Variants in FSTL5 observed in about 807,000 individuals in gnomAD.
FSTL5 encodes follistatin-related protein 5.
FSTL5 carries 62 observed loss-of-function variants against 89.1 expected under a neutral mutation model. The ratio of observed to expected loss-of-function variants is 0.70; its 90% CI spans 0.57 to 0.86. FSTL5 has a LOEUF of 0.86. Ranked by LOEUF, FSTL5 falls within the 40% of genes least tolerant of loss-of-function variation. The pLI is 0.00. For missense variants in FSTL5, 1,057 were observed against 1,001.6 expected (o/e 1.06, Z -0.75); for synonymous variants, 383 against 346.2 (o/e 1.11, Z -1.18).
At chr4:161,741,987 T>C (rs983520103) in intron 6 of FSTL5, among the ~76,000 whole-genome samples, 1 of 152,090 alleles carries the variant, frequency 6.6e-6, no homozygotes, top group African/African-American at 2.4e-5. Context: ...ATGTGTCTTA[T>C]GGTAAGTGTG....
At chr4:161,713,393 T>C (rs13121026) in intron 6 of FSTL5, among the ~76,000 whole-genome samples, 47,828 of 152,024 alleles carry the variant, frequency 0.31, 7,738 homozygotes, top group Middle Eastern at 0.38. Flanking sequence ...CCTGGTTAAG[T>C]AGTGTAGGAA....
intron 2 of FSTL5, among the ~76,000 whole-genome samples, chr4:162,089,634 AAAAAAAAAAAAAAAAAG>A (rs1730460622): frequency 4.8e-5 from 3 of 62,122 alleles, no homozygotes; most frequent in Admixed American, 4.4e-4. Flanking sequence ...ATCTGTCTCA[AAAAAAAAAAAAAAAAAG>A]AAAAAAAAGA....
chr4:161,778,412 C>T (rs1389202460), intron 4 of FSTL5, among the ~76,000 whole-genome samples: 1 of 152,030 alleles, frequency 6.6e-6, no homozygotes, highest in Non-Finnish European at 1.5e-5. Flanking sequence ...GGCTTAAGAG[C>T]ATGTACAATT....
At chr4:161,902,088 TC>T (rs1733383729) in intron 4 of FSTL5, among the ~76,000 whole-genome samples, 1 of 152,214 alleles carries the variant, frequency 6.6e-6, no homozygotes, top group Non-Finnish European at 1.5e-5. Context: ...ATTTCATTGT[TC>T]CTGGTTCCTT....
intron 6 of FSTL5, among the ~76,000 whole-genome samples, chr4:161,736,419 C>T (rs1184371228): frequency 6.6e-6 from 1 of 151,976 alleles, no homozygotes; most frequent in Non-Finnish European, 1.5e-5. Flanking sequence ...AGTGAATCTA[C>T]CACTTAAGAA....
chr4:161,972,514 T>C (rs1017069132), intron 3 of FSTL5, among the ~76,000 whole-genome samples: 1 of 152,148 alleles, frequency 6.6e-6, no homozygotes, highest in African/African-American at 2.4e-5. Flanking sequence ...GAGTGACCCA[T>C]GTGGTAAGGA....
intron 4 of FSTL5, among the ~76,000 whole-genome samples, chr4:161,779,441 C>T (rs904890309): frequency 6.6e-6 from 1 of 151,580 alleles, no homozygotes; most frequent in Admixed American, 6.6e-5. Context: ...AGAAGGCTTC[C>T]CATGTGTCAG....
intron 4 of FSTL5, among the ~76,000 whole-genome samples, chr4:161,842,142 A>G (rs138179561): frequency 2.6e-5 from 4 of 152,328 alleles, no homozygotes; most frequent in East Asian, 1.9e-4. Context: ...TTGAAGGTAC[A>G]GTCTGTGAAC....
At chr4:161,827,607 T>G (rs571781662) in intron 4 of FSTL5, among the ~76,000 whole-genome samples, 3 of 152,186 alleles carry the variant, frequency 2.0e-5, no homozygotes, top group Admixed American at 1.3e-4. Context: ...GCTCAGACTC[T>G]CCTTGGGCAG....
chr4:161,747,275 A>G (rs1238029607), intron 6 of FSTL5, among the ~76,000 whole-genome samples: 1 of 152,160 alleles, frequency 6.6e-6, no homozygotes, highest in Non-Finnish European at 1.5e-5. Context: ...GCTACAAAAT[A>G]CTTACATAAA....
chr4:161,771,418 G>A (rs548524031), intron 5 of FSTL5, among the ~76,000 whole-genome samples: 69 of 151,952 alleles, frequency 4.5e-4, no homozygotes, highest in African/African-American at 1.6e-3. Context: ...TTTATATATC[G>A]AGAAACTAAG....
chr4:161,950,418 A>G (rs1044072669), intron 3 of FSTL5, among the ~76,000 whole-genome samples: 1 of 152,098 alleles, frequency 6.6e-6, no homozygotes, highest in Admixed American at 6.6e-5. Context: ...TTCAAGATTC[A>G]ATGAAACCTT....
chr4:161,645,277 A>C (rs1305584435), intron 7 of FSTL5, among the ~76,000 whole-genome samples: 2 of 152,156 alleles, frequency 1.3e-5, no homozygotes, highest in Admixed American at 6.5e-5. Context: ...TTATGTTTCT[A>C]TGTTAATATT....
chr4:161,959,768 T>C (rs1735120965), intron 3 of FSTL5, among the ~76,000 whole-genome samples: 1 of 152,232 alleles, frequency 6.6e-6, no homozygotes, highest in East Asian at 1.9e-4. Context: ...GGGTGAGAAT[T>C]GGACATCTGA....
chr4:161,814,668 T>C (rs1259303734), intron 4 of FSTL5, among the ~76,000 whole-genome samples: 1 of 152,126 alleles, frequency 6.6e-6, no homozygotes, highest in East Asian at 1.9e-4. Context: ...TGTTTCAATC[T>C]CTGGATTAAA....
chr4:161,427,074 ACTT>A (rs1192704888), intron 15 of FSTL5, among the ~76,000 whole-genome samples: 1 of 152,208 alleles, frequency 6.6e-6, no homozygotes, highest in Non-Finnish European at 1.5e-5. Context: ...GAGTTAGAGA[ACTT>A]CTATATTAGA....
chr4:162,026,305 T>C (rs1336171842), intron 3 of FSTL5, among the ~76,000 whole-genome samples: 1 of 27,806 alleles, frequency 3.6e-5, no homozygotes, highest in Admixed American at 5.3e-4. Flanking sequence ...ATGTATTTTC[T>C]TTTTTTTTTT....
chr4:161,461,880 G>T (rs1019652378), intron 13 of FSTL5, among the ~76,000 whole-genome samples: 1 of 151,522 alleles, frequency 6.6e-6, no homozygotes, highest in African/African-American at 2.4e-5. Context: ...ATAATCTTTA[G>T]ATCTTTAAAA....
chr4:161,957,138 A>G (rs905795673), intron 3 of FSTL5, among the ~76,000 whole-genome samples: 3 of 152,020 alleles, frequency 2.0e-5, no homozygotes, highest in Non-Finnish European at 4.4e-5. Context: ...CTATAAAATG[A>G]CAGCATTTAT....
Sources: allele counts gnomAD v4.1 joint callset (sites outside exome capture counted in the v4.1 genomes callset), GRCh38; gene constraint gnomAD v4.1.1; transcripts MANE v1.5; gene names NCBI Gene and HGNC (gene_info 2026-07-23, HGNC 2026-07-21).